Variants in USP34 observed in about 807,000 individuals in gnomAD.
The protein encoded by USP34 is ubiquitin carboxyl-terminal hydrolase 34.
A neutral mutation model predicts 460.3 loss-of-function variants in USP34; 70 were observed. That is an observed-to-expected ratio of 0.15 (90% CI 0.13 to 0.19). The LOEUF is 0.19. Ranked by LOEUF, USP34 falls within the 10% of genes least tolerant of loss-of-function variation. The probability of loss-of-function intolerance (pLI) is 1.00; values close to 1 mark genes in which losing one functional copy is unlikely to be tolerated. For synonymous variants in USP34, 1,647 were observed against 1,405.3 expected (o/e 1.17, Z -3.85); for missense variants, 3,985 against 4,236.2 (o/e 0.94, Z 1.65).
chr2:61,246,554 C>A, intron 49 of USP34, 77 bp from the exon 50 acceptor site: 1 of 968,068 alleles, frequency 1.0e-6, no homozygotes, highest in Non-Finnish European at 1.4e-6. Context: ...TTAAAATAAA[C>A]TTTATCAATT....
chr2:61,407,585 A>G (rs1016245988), intron 2 of USP34, among the ~76,000 whole-genome samples: 7 of 152,238 alleles, frequency 4.6e-5, no homozygotes, highest in Non-Finnish European at 8.8e-5. Flanking sequence ...GTGAATTTGA[A>G]GTACAGCCAC....
Position 61,394,805 on chromosome 2 carries a change from T to C in USP34, c.753+48A>G, listed in dbSNP as rs1693466548. 5 of 1,386,026 alleles carry C rather than the reference T, an allele frequency of 3.6e-6. No individual in the cohort carries two copies. The East Asian group carries it at 1.1e-4, about 29-fold the overall frequency. The allele number at this position is 1,386,026 out of a possible 1,614,324, so 85.9% of individuals were successfully genotyped here. The stretch of plus-strand genomic sequence containing the variant: ...GAGCATAAAATTCATGTTACTGATA[T>C]GCTAGACATTGCTCCCAAAATTAAG... On this transcript the variant is annotated intron_variant, in intron 5 of 79. Coordinates refer to ENST00000398571, the MANE Select transcript of USP34 (RefSeq NM_014709.4).
chr2:61,221,403 G>A (rs1687581414), intron 66 of USP34, 99 bp downstream of exon 66: 1 of 1,075,524 alleles, frequency 9.3e-7, no homozygotes, highest in Non-Finnish European at 1.3e-6. Context: ...AAACCATCTT[G>A]GGGTAATAAG....
intron 75 of USP34, among the ~76,000 whole-genome samples, chr2:61,199,618 T>C (rs775755421): frequency 7.2e-5 from 11 of 152,212 alleles, no homozygotes; most frequent in Non-Finnish European, 1.3e-4. Flanking sequence ...TATTAAAGAT[T>C]TGCCCCATAG....
chr2:61,329,576 A>G (rs1691199518), intron 20 of USP34, among the ~76,000 whole-genome samples: 1 of 152,224 alleles, frequency 6.6e-6, no homozygotes, highest in South Asian at 2.1e-4. Context: ...AAAAATTATA[A>G]AACTGGAAAG....
At chr2:61,442,974 GT>G (rs1345498260) in intron 1 of USP34, among the ~76,000 whole-genome samples, 2 of 150,880 alleles carry the variant, frequency 1.3e-5, no homozygotes, top group African/African-American at 4.9e-5. Context: ...ATGAAATCCT[GT>G]CATTTGCAGC....
At chr2:61,246,259 C>T (rs930864312) in intron 50 of USP34, 65 bp downstream of exon 50, 3 of 1,292,984 alleles carry the variant, frequency 2.3e-6, no homozygotes, top group Non-Finnish European at 3.0e-6. Flanking sequence ...GAAAACTAAA[C>T]ACTGAAAACA....
At chr2:61,204,194 G>C in intron 74 of USP34, 62 bp downstream of exon 74, 12 of 1,603,622 alleles carry the variant, frequency 7.5e-6, no homozygotes, top group Non-Finnish European at 5.1e-6. Flanking sequence ...TAACTGCCAG[G>C]GGAAAAATTT....
Position 61,260,991 on chromosome 2 carries a change from G to A in USP34, c.5779-1215C>T, listed in dbSNP as rs1572879995. On this transcript the variant is annotated intron_variant, in intron 43 of 79. Transcript: ENST00000398571. ...TAAAAAATTGTGTTCACATCCATTA[G>A]GATGGCTATTATTAAAACAAACAGA... is the stretch of plus-strand genomic sequence containing the variant. Among the ~76,000 whole-genome samples, 7 of 152,238 alleles carry A rather than the reference G, an allele frequency of 4.6e-5. No homozygotes were observed. The South Asian group carries it at 1.5e-3, about 32-fold the overall frequency.
chr2:61,456,394 C>A (rs1293030979), intron 1 of USP34, among the ~76,000 whole-genome samples: 2 of 152,166 alleles, frequency 1.3e-5, no homozygotes, highest in Non-Finnish European at 2.9e-5. Flanking sequence ...TGACATTTGT[C>A]AGGAAGGTTT....
At chr2:61,277,151 A>G (rs999006002) in intron 41 of USP34, among the ~76,000 whole-genome samples, 6 of 152,050 alleles carry the variant, frequency 3.9e-5, no homozygotes, top group Non-Finnish European at 7.4e-5. Context: ...TACTAATTCC[A>G]CTGTATTAGG....
chr2:61,262,213 G>C (rs1688911230), intron 43 of USP34, among the ~76,000 whole-genome samples: 1 of 146,634 alleles, frequency 6.8e-6, no homozygotes, highest in Non-Finnish European at 1.5e-5. Flanking sequence ...TCTTATTTTA[G>C]GTTCAGGGGT....
chr2:61,378,928 A>AAAAAAAAAAAAAAAAAAAT (rs1692884114), intron 7 of USP34, among the ~76,000 whole-genome samples: 1 of 149,100 alleles, frequency 6.7e-6, no homozygotes, highest in Non-Finnish European at 1.5e-5. Context: ...AAAAAAAAAA[A>AAAAAAAAAAAAAAAAAAAT]AAAAAAAAAC....
chr2:61,295,419 T>C, intron 30 of USP34, 129 bp from the exon 31 acceptor site: 1 of 1,010,130 alleles, frequency 9.9e-7, no homozygotes, highest in Non-Finnish European at 1.3e-6. Context: ...TTAAAACATA[T>C]GAAGACTAGG....
At chr2:61,459,852 G>T (rs1202419445) in intron 1 of USP34, among the ~76,000 whole-genome samples, 1 of 151,528 alleles carries the variant, frequency 6.6e-6, no homozygotes, top group Admixed American at 6.6e-5. Context: ...CTGAGGTCAG[G>T]AGATCAAGAC....
intron 5 of USP34, among the ~76,000 whole-genome samples, chr2:61,387,643 TAAA>T (rs570087560): frequency 6.8e-6 from 1 of 146,608 alleles, no homozygotes; most frequent in African/African-American, 2.5e-5. Flanking sequence ...CACACATATA[TAAA>T]AATATATATT....
intron 51 of USP34, among the ~76,000 whole-genome samples, 194 bp downstream of exon 51, chr2:61,245,016 T>C (rs1184219921): frequency 6.6e-6 from 1 of 152,156 alleles, no homozygotes; most frequent in African/African-American, 2.4e-5. Flanking sequence ...AATCGGGCTG[T>C]TGTGGAAAGC....
chr2:61,225,748 T>C (rs533729735), intron 62 of USP34, among the ~76,000 whole-genome samples: 5 of 152,366 alleles, frequency 3.3e-5, no homozygotes, highest in African/African-American at 1.2e-4. Flanking sequence ...AACCAATCGA[T>C]ACATTTACTT....
chr2:61,373,646 C>T (rs1239953906), intron 8 of USP34, among the ~76,000 whole-genome samples: 4 of 152,094 alleles, frequency 2.6e-5, no homozygotes, highest in Non-Finnish European at 5.9e-5. Context: ...AAACTGATGA[C>T]AGAATTAAAA....
Sources: allele counts gnomAD v4.1 joint callset (sites outside exome capture counted in the v4.1 genomes callset), GRCh38; gene constraint gnomAD v4.1.1; transcripts MANE v1.5; gene names NCBI Gene and HGNC (gene_info 2026-07-23, HGNC 2026-07-21).